The following DYRK1A variants were observed in gnomAD, a reference collection of about 807,000 sequenced individuals.
The protein encoded by DYRK1A is dual specificity tyrosine phosphorylation regulated kinase 1A, also known as dual specificity tyrosine-phosphorylation-regulated kinase 1A.
A neutral mutation model predicts 79.7 loss-of-function variants in DYRK1A; 9 were observed. The ratio of observed to expected loss-of-function variants is 0.11; its 90% confidence interval spans 0.07 to 0.20. The LOEUF is 0.20. Among genes scored for constraint, DYRK1A ranks in the 10% least tolerant of loss-of-function variants. The pLI is 1.00. For missense variants in DYRK1A, 622 were observed against 956.0 expected, an observed-to-expected ratio of 0.65 and a Z score of 4.61; for synonymous variants, 349 against 329.7, an observed-to-expected ratio of 1.06 and a Z score of -0.63.
At position 37,515,865 on chromosome 21, in the gene DYRK1A, C is replaced by T. The variant is rs1306836460; in HGVS notation, c.*3334C>T. ...AAACCGACATTTTTATTTAAAACTA[C>T]ATGTAAAAAATCATGAAAGATTCAG... On this transcript the variant is annotated 3_prime_UTR_variant, in exon 12 of 12. Transcript: ENST00000647188. 2 of 151,514 alleles carry T rather than the reference C, an allele frequency of 1.3e-5. No homozygotes were observed. The highest frequency in any genetic ancestry group is 2.9e-5 in the Non-Finnish European group (2 of 67,928). 9.4% of individuals were successfully genotyped at this position (151,514 alleles called of 1,614,324 possible).
At position 37,480,619 on chromosome 21, in the gene DYRK1A, CTA is replaced by C; in HGVS notation, c.301-17_301-16del. The C allele has an allele frequency of 6.4e-7, 1 of 1,557,086 alleles. No homozygotes were observed. The highest frequency in any genetic ancestry group is 1.2e-5 in the South Asian group (1 of 81,384). On this transcript the variant is annotated splice_polypyrimidine_tract_variant and intron_variant, in intron 4 of 11. Transcript: ENST00000647188. ...AGTGATTTAAATTTTACAGTTAACACTATGTATTCTCATTTCAGGTTTACTAT... is the reference window on the plus strand; with the variant it reads ...AGTGATTTAAATTTTACAGTTAACACTGTATTCTCATTTCAGGTTTACTAT...
intron 1 of DYRK1A, among the ~76,000 whole-genome samples, chr21:37,375,446 C>T (rs1217987266): frequency 1.4e-5 from 2 of 147,934 alleles, no homozygotes; most frequent in African/African-American, 5.0e-5. Flanking sequence ...GAATTCATTT[C>T]ATTAGATTAA....
intron 2 of DYRK1A, among the ~76,000 whole-genome samples, chr21:37,430,862 C>T (rs1007872064): frequency 6.6e-6 from 1 of 152,128 alleles, no homozygotes; most frequent in African/African-American, 2.4e-5. Context: ...TTCTTTAGAG[C>T]CACTGGCGGA....
intron 2 of DYRK1A, among the ~76,000 whole-genome samples, chr21:37,449,820 C>T (rs181742345): frequency 6.6e-6 from 1 of 152,144 alleles, no homozygotes; most frequent in Non-Finnish European, 1.5e-5. Flanking sequence ...CATTTACTTT[C>T]AAGTCTAGTC....
intron 1 of DYRK1A, among the ~76,000 whole-genome samples, chr21:37,411,369 T>TC (rs202068810): frequency 8.0e-5 from 4 of 50,214 alleles, no homozygotes; most frequent in Non-Finnish European, 1.6e-4. Flanking sequence ...CCCAACCCCC[T>TC]CCCCCCCAAA....
chr21:37,497,348 A>T (rs1045441615), intron 9 of DYRK1A, among the ~76,000 whole-genome samples: 1 of 152,214 alleles, frequency 6.6e-6, no homozygotes, highest in Non-Finnish European at 1.5e-5. Context: ...CTAAAGCTAT[A>T]GGCAGTGCAG....
intron 3 of DYRK1A, among the ~76,000 whole-genome samples, chr21:37,473,971 T>C (rs2052314775): frequency 1.3e-5 from 2 of 152,234 alleles, no homozygotes; most frequent in African/African-American, 4.8e-5. Flanking sequence ...AATAACACGA[T>C]GATCCATTTG....
chr21:37,401,482 CTTT>C (rs60091331), intron 1 of DYRK1A, among the ~76,000 whole-genome samples: 3 of 137,482 alleles, frequency 2.2e-5, no homozygotes. Context: ...TTTCTAGTTC[CTTT>C]TTTTTTTTTT....
chr21:37,508,418 G>A (rs112608523), intron 11 of DYRK1A, among the ~76,000 whole-genome samples: 82 of 152,302 alleles, frequency 5.4e-4, no homozygotes, highest in African/African-American at 6.7e-4. Flanking sequence ...CTCCTGAGTA[G>A]CTGGGATTAC....
chr21:37,513,680 A>T lies in DYRK1A; in HGVS notation c.*1149A>T, dbSNP rs2053825496. 1 of 152,566 alleles carries T rather than the reference A, an allele frequency of 6.6e-6. No individual in the cohort carries two copies. The highest frequency in any genetic ancestry group is 6.5e-5 in the Admixed American group (1 of 15,274). 9.5% of individuals were successfully genotyped at this position (152,566 alleles called of 1,614,324 possible). A position where few individuals can be genotyped will look rare whatever the true frequency, so the allele number is the denominator to read the frequency against. ...CTTTTTCTCGGCACGTGGTATCTCC[A>T]CCATTTCTTCTGCACAAAGATGTCT... On this transcript the variant is annotated 3_prime_UTR_variant, in exon 12 of 12. Transcript: ENST00000647188.
rs139921128 is a variant in DYRK1A at position 37,493,871 on chromosome 21, T to C, written c.1071+708T>C. ...AAAGGCATTAATGACTTGTACCGGATTACACAGCTGTTAATAGGTGGTGTC... is the reference window on the plus strand; with the variant it reads ...AAAGGCATTAATGACTTGTACCGGACTACACAGCTGTTAATAGGTGGTGTC... On this transcript the variant is annotated intron_variant, in intron 8 of 11. Coordinates refer to ENST00000647188, the MANE Select transcript of DYRK1A (RefSeq NM_001347721.2). Among the ~76,000 whole-genome samples the C allele has an allele frequency of 2.9e-3, 444 of 152,080 alleles. 1 individual carries two copies. Among genetic ancestry groups the C allele is most frequent in the Middle Eastern group, 6.8e-3 (2 of 292 alleles).
At chr21:37,500,546 A>G (rs2148637953) in intron 9 of DYRK1A, among the ~76,000 whole-genome samples, 1 of 152,176 alleles carries the variant, frequency 6.6e-6, no homozygotes, top group East Asian at 1.9e-4. Context: ...GGTTGGCATT[A>G]TTTCTTTTGT....
intron 1 of DYRK1A, among the ~76,000 whole-genome samples, chr21:37,417,535 T>TTTTTTTC (rs2050375522): frequency 5.7e-5 from 2 of 35,190 alleles, no homozygotes; most frequent in Non-Finnish European, 6.5e-5. Context: ...TTTTCTTTTT[T>TTTTTTTC]TTTTTTTTTT....
rs770080987 is a variant in DYRK1A, at chr21:37,512,289, C to T, written c.2023C>T (p.Pro675Ser). 2 of 1,614,230 alleles carry T rather than the reference C, an allele frequency of 1.2e-6. No individual in the cohort carries two copies. The highest frequency in any genetic ancestry group is 2.2e-5 in the South Asian group (2 of 91,084). Residue 675 changes from proline to serine, a missense_variant, in exon 12 of 12, where the codon CCA (proline) becomes TCA (serine). Coordinates refer to ENST00000647188, the MANE Select transcript of DYRK1A (RefSeq NM_001347721.2). ...NQGNQAYQNR[P>S]VAANTLDFGQ... ...AGGCAATCAGGCCTACCAGAATCGC[C>T]CAGTGGCTGCTAATACCTTGGACTT...
chr21:37,435,229 A>G (rs1265843911), intron 2 of DYRK1A, among the ~76,000 whole-genome samples: 1 of 152,228 alleles, frequency 6.6e-6, no homozygotes, highest in African/African-American at 2.4e-5. Flanking sequence ...CCTGGCAACT[A>G]AAATAGGCTA....
At chr21:37,460,810 T>A (rs561493168) in intron 2 of DYRK1A, among the ~76,000 whole-genome samples, 5 of 152,356 alleles carry the variant, frequency 3.3e-5, no homozygotes, top group African/African-American at 1.2e-4. Flanking sequence ...TAGGTGGTAT[T>A]ATCTGCTTTA....
chr21:37,429,460 G>A (rs1020607926), intron 2 of DYRK1A, among the ~76,000 whole-genome samples: 7 of 152,206 alleles, frequency 4.6e-5, no homozygotes, highest in Admixed American at 6.5e-5. Context: ...GAAACTTAGA[G>A]TCATGGTAGA....
At chr21:37,397,086 G>A (rs1162690205) in intron 1 of DYRK1A, among the ~76,000 whole-genome samples, 2 of 152,182 alleles carry the variant, frequency 1.3e-5, no homozygotes, top group Non-Finnish European at 2.9e-5. Context: ...CTCACTCAGT[G>A]TCCTAAGGCC....
intron 1 of DYRK1A, among the ~76,000 whole-genome samples, chr21:37,390,467 CTAATCCA>C (rs1388078549): frequency 2.0e-5 from 3 of 152,222 alleles, no homozygotes; most frequent in African/African-American, 7.2e-5. Context: ...TTACTGCTAT[CTAATCCA>C]TATGACTCCA....
Sources: allele counts gnomAD v4.1 joint callset (sites outside exome capture counted in the v4.1 genomes callset), GRCh38; gene constraint gnomAD v4.1.1; transcripts MANE v1.5; gene names NCBI Gene and HGNC (gene_info 2026-07-23, HGNC 2026-07-21).